Variants in TNNI3K observed in about 807,000 individuals in gnomAD.
The protein encoded by TNNI3K is serine/threonine-protein kinase TNNI3K.
TNNI3K carries 140 observed loss-of-function variants against 114.5 expected under a neutral mutation model. The ratio of observed to expected loss-of-function variants is 1.22; its 90% CI spans 1.07 to 1.41. TNNI3K has a LOEUF of 1.41. TNNI3K is among the 40% of genes most tolerant of loss of function. The pLI, the probability that TNNI3K is intolerant of heterozygous loss-of-function variation, is 0.00. For synonymous variants in TNNI3K, 347 were observed against 347.5 expected, an observed-to-expected ratio of 1.00 and a Z score of 0.02; for missense variants, 1,125 against 1,007.6, an observed-to-expected ratio of 1.12 and a Z score of -1.58.
chr1:74,491,950 C>A, intron 22 of TNNI3K, 147 bp from the exon 23 acceptor site: 1 of 1,246,568 alleles, frequency 8.0e-7, no homozygotes, highest in African/African-American at 1.5e-5. Context: ...TAGACTTTTT[C>A]CTGAAAGGAA....
intron 2 of TNNI3K, among the ~76,000 whole-genome samples, chr1:74,242,974 C>T (rs1654339658): frequency 6.6e-6 from 1 of 152,054 alleles, no homozygotes; most frequent in African/African-American, 2.4e-5. Flanking sequence ...CCTGTACCTC[C>T]ATGATTCCTT....
At chr1:74,461,497 A>AAAAGTC (rs1557580729) in intron 20 of TNNI3K, among the ~76,000 whole-genome samples, 2 of 151,568 alleles carry the variant, frequency 1.3e-5, no homozygotes, top group African/African-American at 4.9e-5. Context: ...AAAAAAAAAA[A>AAAAGTC]AAGAGTAACC....
chr1:74,428,558 A>G (rs959407899), intron 17 of TNNI3K, among the ~76,000 whole-genome samples: 1 of 152,092 alleles, frequency 6.6e-6, no homozygotes, highest in Admixed American at 6.6e-5. Flanking sequence ...GGCTTCATTT[A>G]TCTTGAAGAA....
intron 5 of TNNI3K, among the ~76,000 whole-genome samples, chr1:74,314,737 A>G (rs1340486762): frequency 2.0e-5 from 3 of 152,162 alleles, no homozygotes; most frequent in Non-Finnish European, 4.4e-5. Context: ...ATAGTGAAAA[A>G]ATATATATGT....
chr1:74,438,868 A>G (rs527751771), intron 19 of TNNI3K, among the ~76,000 whole-genome samples: 1 of 152,248 alleles, frequency 6.6e-6, no homozygotes, highest in South Asian at 2.1e-4. Flanking sequence ...GCATTCATAA[A>G]TAGCACATCT....
intron 17 of TNNI3K, among the ~76,000 whole-genome samples, chr1:74,435,488 T>C (rs1242027600): frequency 6.6e-6 from 1 of 152,046 alleles, no homozygotes; most frequent in Non-Finnish European, 1.5e-5. Context: ...GAATTCTTGG[T>C]TGAAGGGGGA....
chr1:74,481,447 A>G (rs1234249907), intron 21 of TNNI3K, among the ~76,000 whole-genome samples: 2 of 152,156 alleles, frequency 1.3e-5, no homozygotes, highest in Non-Finnish European at 2.9e-5. Flanking sequence ...CCCAAAAGTA[A>G]AGGTGCGAGT....
chr1:74,357,376 C>G (rs992822059), intron 11 of TNNI3K, among the ~76,000 whole-genome samples: 1 of 152,180 alleles, frequency 6.6e-6, no homozygotes, highest in Non-Finnish European at 1.5e-5. Flanking sequence ...AATCTCTTAA[C>G]AGAAAACCAT....
In TNNI3K at chr1:74,343,071, C is replaced by A; in HGVS notation, c.828-4C>A. 1 of 1,613,164 alleles carries A rather than the reference C, an allele frequency of 6.2e-7. No individual in the cohort carries two copies. Among genetic ancestry groups the A allele is most frequent in the Non-Finnish European group, 8.5e-7 (1 of 1,179,698 alleles). On this transcript the variant is annotated splice_region_variant and splice_polypyrimidine_tract_variant and intron_variant, in intron 8 of 24. Transcript: ENST00000326637. ...TATTAACAAGATATTTTCTTCAAAT[C>A]TAGGGCATGCTACAATGGCAAATTT...
intron 5 of TNNI3K, among the ~76,000 whole-genome samples, chr1:74,314,648 G>A (rs928446863): frequency 4.6e-5 from 7 of 152,082 alleles, no homozygotes; most frequent in South Asian, 2.1e-4. Flanking sequence ...ACAACTTGAT[G>A]TCATAAACAC....
At chr1:74,269,432 C>T (rs1308511675) in intron 4 of TNNI3K, among the ~76,000 whole-genome samples, 2 of 151,784 alleles carry the variant, frequency 1.3e-5, no homozygotes, top group Non-Finnish European at 2.9e-5. Context: ...AAGAGAAATG[C>T]ATAATCAAAA....
intron 17 of TNNI3K, among the ~76,000 whole-genome samples, chr1:74,378,083 G>A (rs1020608655): frequency 6.6e-6 from 1 of 152,012 alleles, no homozygotes; most frequent in Non-Finnish European, 1.5e-5. Context: ...ACTATCATTT[G>A]GAGTACATAG....
At chr1:74,285,416 T>G (rs1657267066) in intron 5 of TNNI3K, among the ~76,000 whole-genome samples, 1 of 152,302 alleles carries the variant, frequency 6.6e-6, no homozygotes. Context: ...CACTATAGTC[T>G]CTTTATGGTT....
chr1:74,420,279 G>T (rs537202694), intron 17 of TNNI3K, among the ~76,000 whole-genome samples: 48 of 152,214 alleles, frequency 3.2e-4, no homozygotes, highest in African/African-American at 1.1e-3. Flanking sequence ...TAAAACTGCT[G>T]TTTGAAATTT....
chr1:74,414,233 A>C, intron 17 of TNNI3K, among the ~76,000 whole-genome samples: 1 of 152,330 alleles, frequency 6.6e-6, no homozygotes, highest in South Asian at 2.1e-4. Context: ...GATTAATAAC[A>C]AATCATTCTG....
At chr1:74,514,301 G>A (rs561235996) in intron 23 of TNNI3K, among the ~76,000 whole-genome samples, 1 of 152,292 alleles carries the variant, frequency 6.6e-6, no homozygotes, top group African/African-American at 2.4e-5. Flanking sequence ...ATTTGTCAGA[G>A]GCTTACAAGC....
At chr1:74,382,354 C>A (rs373981574) in intron 17 of TNNI3K, among the ~76,000 whole-genome samples, 4 of 152,142 alleles carry the variant, frequency 2.6e-5, no homozygotes, top group African/African-American at 4.8e-5. Flanking sequence ...ACCAGGACAA[C>A]AGTCAATGGA....
chr1:74,425,373 C>A (rs1665586845), intron 17 of TNNI3K, among the ~76,000 whole-genome samples: 1 of 151,936 alleles, frequency 6.6e-6, no homozygotes, highest in African/African-American at 2.4e-5. Flanking sequence ...TGGAGTAACA[C>A]TAAAAGGGAA....
At chr1:74,389,583 C>T (rs1342098063) in intron 17 of TNNI3K, among the ~76,000 whole-genome samples, 7 of 152,154 alleles carry the variant, frequency 4.6e-5, no homozygotes, top group African/African-American at 1.7e-4. Context: ...TATCTTAACA[C>T]TTATTTCCTT....
Sources: gnomAD v4.1 joint callset for allele counts (sites outside exome capture counted in the v4.1 genomes callset) on GRCh38, gnomAD v4.1.1 for gene constraint, MANE v1.5 for transcripts, NCBI Gene and HGNC (gene_info 2026-07-23, HGNC 2026-07-21) for gene names.